Variants in TENM1 observed in about 807,000 individuals in gnomAD.
The protein encoded by TENM1 is teneurin transmembrane protein 1, also known as teneurin-1.
A neutral mutation model predicts 174.8 loss-of-function variants in TENM1; 35 were observed. That is an observed-to-expected ratio of 0.20 (90% CI 0.15 to 0.27). The LOEUF is 0.27. Among genes scored for constraint, TENM1 ranks in the 10% least tolerant of loss-of-function variants. The pLI, the probability that TENM1 is intolerant of heterozygous loss-of-function variation, is 1.00. For synonymous variants in TENM1, 781 were observed against 798.7 expected (o/e 0.98, Z 0.37); for missense variants, 1,633 against 2,130.1 (o/e 0.77, Z 4.59).
At chrX:124,901,267 T>C (rs988305297) in intron 1 of TENM1, among the ~76,000 whole-genome samples, 3 of 111,092 alleles carry the variant, frequency 2.7e-5, no homozygotes, top group Non-Finnish European at 5.7e-5. Flanking sequence ...GTCTGGCACA[T>C]AGGACCACCT....
chrX:125,079,530 T>C, the TENM1 span, among the ~76,000 whole-genome samples: 5 of 112,023 alleles, frequency 4.5e-5, no homozygotes. Context: ...CAATATATGA[T>C]TTATATTGAA....
At chrX:124,457,376 G>C (rs1409856084) in intron 22 of TENM1, among the ~76,000 whole-genome samples, 1 of 111,795 alleles carries the variant, frequency 8.9e-6, no homozygotes, top group Non-Finnish European at 1.9e-5. Flanking sequence ...CATAAATAAA[G>C]TGCATCTTGT....
chrX:124,789,207 G>A (rs998225606), intron 3 of TENM1, among the ~76,000 whole-genome samples: 4 of 110,688 alleles, frequency 3.6e-5, no homozygotes, highest in African/African-American at 6.6e-5. Flanking sequence ...TGGGATGCAG[G>A]GCACCAAGTT....
At chrX:124,770,262 A>G in intron 3 of TENM1, among the ~76,000 whole-genome samples, 1 of 110,943 alleles carries the variant, frequency 9.0e-6, no homozygotes, top group East Asian at 2.8e-4. Context: ...CACCCACTTC[A>G]TTTCTCCTCC....
chrX:125,040,205 T>C, the TENM1 span, among the ~76,000 whole-genome samples: 1 of 111,337 alleles, frequency 9.0e-6, no homozygotes, highest in Admixed American at 9.6e-5. Context: ...CCGTAAAGCT[T>C]AAACCTCAGG....
At chrX:124,695,780 C>G (rs181771644) in intron 5 of TENM1, among the ~76,000 whole-genome samples, 172 of 110,809 alleles carry the variant, frequency 1.6e-3, no homozygotes, top group African/African-American at 5.4e-3. Flanking sequence ...CCCATTGAAC[C>G]TCTTATTTTT....
At chrX:124,654,934 T>C (rs1490817600) in intron 6 of TENM1, among the ~76,000 whole-genome samples, 1 of 111,236 alleles carries the variant, frequency 9.0e-6, no homozygotes, top group Non-Finnish European at 1.9e-5. Flanking sequence ...CAGTGAAAAA[T>C]AATTTCATGT....
At chrX:124,703,168 G>A (rs1331173531) in intron 5 of TENM1, among the ~76,000 whole-genome samples, 1 of 111,584 alleles carries the variant, frequency 9.0e-6, no homozygotes, top group Non-Finnish European at 1.9e-5. Context: ...TTTTACAGAT[G>A]AGGAAATGGA....
intron 1 of TENM1, among the ~76,000 whole-genome samples, chrX:124,948,543 T>G (rs982549389): frequency 1.4e-4 from 16 of 111,978 alleles, no homozygotes; most frequent in Non-Finnish European, 1.1e-4. Flanking sequence ...ATTGTGTATT[T>G]TTGTTGTTGT....
At chrX:125,160,204 T>TG in the TENM1 span, among the ~76,000 whole-genome samples, 152 of 77,599 alleles carry the variant, frequency 2.0e-3, no homozygotes, top group African/African-American at 6.7e-3. Context: ...CCACCATCAA[T>TG]GAAAAAAAAA....
chrX:124,734,222 C>T (rs747065571), intron 4 of TENM1, among the ~76,000 whole-genome samples: 1 of 111,700 alleles, frequency 9.0e-6, no homozygotes, highest in South Asian at 3.7e-4. Flanking sequence ...GAGGGTGAGG[C>T]GGGCAGATCA....
chrX:124,937,413 TG>T (rs2058262657), intron 1 of TENM1, among the ~76,000 whole-genome samples: 1 of 111,818 alleles, frequency 8.9e-6, no homozygotes, highest in African/African-American at 3.2e-5. Context: ...TAGTGCTTAT[TG>T]CAATGCTCAG....
the TENM1 span, among the ~76,000 whole-genome samples, chrX:125,063,131 TG>T: frequency 1.8e-5 from 2 of 112,225 alleles, no homozygotes; most frequent in East Asian, 5.6e-4. Flanking sequence ...GTAACTAGCC[TG>T]TTGAATGACA....
the TENM1 span, among the ~76,000 whole-genome samples, chrX:125,118,521 A>T: frequency 1.8e-5 from 2 of 111,796 alleles, no homozygotes; most frequent in Admixed American, 1.9e-4. Context: ...TATCTGGCAA[A>T]GGACTTGTAT....
intron 3 of TENM1, among the ~76,000 whole-genome samples, chrX:124,834,785 C>T (rs762279315): frequency 4.5e-5 from 5 of 112,306 alleles, no homozygotes; most frequent in Non-Finnish European, 9.4e-5. Flanking sequence ...CATCTTGTTT[C>T]ATCTTCCACA....
chrX:125,193,691 C>T, the TENM1 span, among the ~76,000 whole-genome samples: 1 of 111,503 alleles, frequency 9.0e-6, no homozygotes. Flanking sequence ...ACTGTATATA[C>T]TCTCTAGCTA....
intron 10 of TENM1, among the ~76,000 whole-genome samples, chrX:124,643,352 A>C (rs1365474493): frequency 9.0e-6 from 1 of 111,062 alleles, no homozygotes; most frequent in African/African-American, 3.3e-5. Flanking sequence ...GGTGGCATAC[A>C]GGAAGGAAAT....
chrX:124,709,164 A>G (rs2052984184), intron 4 of TENM1, among the ~76,000 whole-genome samples: 1 of 111,985 alleles, frequency 8.9e-6, no homozygotes, highest in Non-Finnish European at 1.9e-5. Context: ...AATACTTCAC[A>G]AAGTATTATA....
At chrX:124,499,398 G>A (rs2047276247) in intron 19 of TENM1, among the ~76,000 whole-genome samples, 2 of 111,511 alleles carry the variant, frequency 1.8e-5, no homozygotes, top group South Asian at 7.4e-4. Context: ...CCATCATATA[G>A]TATTGGATTT....
Sources: gnomAD v4.1 joint callset for allele counts (sites outside exome capture counted in the v4.1 genomes callset) on GRCh38, gnomAD v4.1.1 for gene constraint, MANE v1.5 for transcripts, NCBI Gene and HGNC (gene_info 2026-07-23, HGNC 2026-07-21) for gene names.